SUGCT: variants seen among roughly 807,000 people sequenced by gnomAD.
SUGCT encodes the protein succinyl-CoA:glutarate CoA-transferase.
SUGCT carries 41 observed loss-of-function variants against 55.0 expected under a neutral mutation model. The ratio of observed to expected loss-of-function variants is 0.74; its 90% CI spans 0.58 to 0.97. The LOEUF (loss-of-function observed/expected upper bound fraction) is 0.97, where lower values mean the gene tolerates loss of function less well. SUGCT is among the 50% of genes least tolerant of loss of function. The pLI, the probability that SUGCT is intolerant of heterozygous loss-of-function variation, is 0.00. For synonymous variants in SUGCT, 187 were observed against 200.4 expected, an observed-to-expected ratio of 0.93 and a Z score of 0.56; for missense variants, 568 against 547.8, an observed-to-expected ratio of 1.04 and a Z score of -0.37.
chr7:40,908,105 C>T, the SUGCT span, among the ~76,000 whole-genome samples: 3,208 of 151,854 alleles, frequency 0.021, 112 homozygotes, highest in African/African-American at 0.074. Flanking sequence ...CGGCCGGGTG[C>T]GGTGGCTCGC....
chr7:40,746,237 G>C (rs1787725064), intron 12 of SUGCT, among the ~76,000 whole-genome samples: 1 of 152,166 alleles, frequency 6.6e-6, no homozygotes, highest in Non-Finnish European at 1.5e-5. Flanking sequence ...ACTAAGCAGA[G>C]CAGGATTCGC....
At chr7:40,951,308 C>T in the SUGCT span, among the ~76,000 whole-genome samples, 2 of 150,892 alleles carry the variant, frequency 1.3e-5, no homozygotes, top group Non-Finnish European at 3.0e-5. Flanking sequence ...TGGTGATATC[C>T]TATCATTTTT....
intron 12 of SUGCT, among the ~76,000 whole-genome samples, chr7:40,504,419 T>G (rs923672404): frequency 6.6e-6 from 1 of 151,978 alleles, no homozygotes; most frequent in African/African-American, 2.4e-5. Context: ...GCTGGGATTA[T>G]GTACCTGGCC....
intron 8 of SUGCT, among the ~76,000 whole-genome samples, chr7:40,289,641 G>T (rs895552356): frequency 1.3e-5 from 2 of 152,116 alleles, no homozygotes; most frequent in African/African-American, 2.4e-5. Context: ...CATAGTGTTG[G>T]AAGTTCTGGC....
intron 12 of SUGCT, among the ~76,000 whole-genome samples, chr7:40,670,169 C>CAAAAAAA (rs34786531): frequency 1.0e-3 from 59 of 58,200 alleles, no homozygotes; most frequent in Middle Eastern, 0.013. Context: ...GACTCCATCT[C>CAAAAAAA]AAAAAAAAAA....
At chr7:40,956,260 G>GT in the SUGCT span, among the ~76,000 whole-genome samples, 4 of 151,642 alleles carry the variant, frequency 2.6e-5, no homozygotes, top group African/African-American at 4.8e-5. Flanking sequence ...CTGGTCTTTG[G>GT]TTTTTTTTGG....
chr7:40,394,086 A>G (rs1043258654), intron 9 of SUGCT, among the ~76,000 whole-genome samples: 7 of 152,178 alleles, frequency 4.6e-5, no homozygotes, highest in Non-Finnish European at 1.0e-4. Context: ...GACTTTGTCT[A>G]TAGTTGCTGA....
intron 8 of SUGCT, among the ~76,000 whole-genome samples, chr7:40,310,352 T>C (rs1795077761): frequency 6.6e-6 from 1 of 152,068 alleles, no homozygotes; most frequent in Non-Finnish European, 1.5e-5. Flanking sequence ...ATAAGGAAAG[T>C]ATGAGGAACT....
chr7:40,171,097 C>A (rs987917915), intron 1 of SUGCT, among the ~76,000 whole-genome samples: 1 of 152,144 alleles, frequency 6.6e-6, no homozygotes, highest in Non-Finnish European at 1.5e-5. Context: ...GAGTTTTTGC[C>A]CACTAGGGCC....
intron 12 of SUGCT, among the ~76,000 whole-genome samples, chr7:40,672,288 G>GA (rs1180313694): frequency 6.6e-6 from 1 of 152,076 alleles, no homozygotes; most frequent in African/African-American, 2.4e-5. Context: ...TCTGTAAAAG[G>GA]AAAAATGGTG....
At chr7:41,036,263 T>C in the SUGCT span, among the ~76,000 whole-genome samples, 2 of 152,210 alleles carry the variant, frequency 1.3e-5, no homozygotes, top group Non-Finnish European at 2.9e-5. Context: ...ACCAGGAAAG[T>C]GTTTCAATTA....
At chr7:40,871,539 A>G in the SUGCT span, among the ~76,000 whole-genome samples, 3 of 152,172 alleles carry the variant, frequency 2.0e-5, no homozygotes, top group African/African-American at 2.4e-5. Context: ...TCTGACCCAC[A>G]TACATTGATA....
intron 9 of SUGCT, among the ~76,000 whole-genome samples, chr7:40,340,256 T>C (rs986098075): frequency 6.6e-6 from 1 of 152,194 alleles, no homozygotes; most frequent in Admixed American, 6.5e-5. Context: ...AATGGAATTA[T>C]ACTGGACTTG....
At chr7:40,963,888 G>A in the SUGCT span, among the ~76,000 whole-genome samples, 1 of 152,170 alleles carries the variant, frequency 6.6e-6, no homozygotes, top group African/African-American at 2.4e-5. Context: ...GGTTTAGACT[G>A]CATTTATGTG....
intron 12 of SUGCT, among the ~76,000 whole-genome samples, chr7:40,567,393 G>A (rs1298248406): frequency 6.6e-6 from 1 of 152,064 alleles, no homozygotes; most frequent in Non-Finnish European, 1.5e-5. Flanking sequence ...TACTCAGTAG[G>A]GATAATCATT....
chr7:40,740,966 C>G (rs1454516371), intron 12 of SUGCT, among the ~76,000 whole-genome samples: 1 of 152,024 alleles, frequency 6.6e-6, no homozygotes, highest in East Asian at 1.9e-4. Flanking sequence ...GAATTCATAT[C>G]CAGAATATGT....
chr7:40,267,727 C>T (rs1438512928), intron 7 of SUGCT, among the ~76,000 whole-genome samples: 1 of 152,146 alleles, frequency 6.6e-6, no homozygotes, highest in Non-Finnish European at 1.5e-5. Context: ...TACTTAGGCA[C>T]TTTACAGTCA....
At chr7:40,773,271 G>A (rs970168046) in intron 13 of SUGCT, among the ~76,000 whole-genome samples, 2 of 151,864 alleles carry the variant, frequency 1.3e-5, no homozygotes, top group African/African-American at 4.8e-5. Context: ...TGGGATTACA[G>A]GCACCTGCCA....
chr7:40,492,255 G>T lies in SUGCT; in HGVS notation c.987-4029G>T, dbSNP rs150608273. On this transcript the variant is annotated intron_variant, in intron 11 of 13. Transcript: ENST00000335693. ...CAGATATATAAGAGTAATTAAAAGG[G>T]TTAGGAATGTCTAGAAAACAATTTT... Among the ~76,000 whole-genome samples, 817 of 152,206 alleles carry T rather than the reference G, an allele frequency of 5.4e-3. 12 individuals are homozygous for T. Among genetic ancestry groups the T allele is most frequent in the African/African-American group, 0.018 (762 of 41,530 alleles).
Sources: gnomAD v4.1 joint callset for allele counts (sites outside exome capture counted in the v4.1 genomes callset) on GRCh38, gnomAD v4.1.1 for gene constraint, MANE v1.5 for transcripts, NCBI Gene and HGNC (gene_info 2026-07-23, HGNC 2026-07-21) for gene names.